The following TEX15 variants were observed in gnomAD, a reference collection of about 807,000 sequenced individuals.
TEX15 encodes testis expressed 15, meiosis and synapsis associated, also known as testis-expressed protein 15.
Under a neutral mutation model 237.3 loss-of-function variants are expected in TEX15, and 171 were observed. The observed-to-expected ratio is 0.72, with a 90% CI of 0.64 to 0.82. The LOEUF (loss-of-function observed/expected upper bound fraction) is 0.82. Ranked by LOEUF, TEX15 falls within the 40% of genes least tolerant of loss-of-function variation. TEX15 has a pLI of 0.00. For missense variants in TEX15, 3,750 were observed against 3,646.5 expected, an observed-to-expected ratio of 1.03 and a Z score of -0.73; for synonymous variants, 1,338 against 1,269.8, an observed-to-expected ratio of 1.05 and a Z score of -1.14.
intron 7 of TEX15, among the ~76,000 whole-genome samples, chr8:30,852,144 G>C (rs183315371): frequency 9.2e-6 from 1 of 108,388 alleles, no homozygotes; most frequent in African/African-American, 3.9e-5. Context: ...AGTCTCTGTC[G>C]CCCAGGCTGG....
At position 30,842,034 on chromosome 8, in the gene TEX15, A is replaced by C. The variant is rs749039655; in HGVS notation, c.8133T>G (p.Asp2711Glu). Residue 2711 changes from aspartate (D) to glutamate (E), a missense_variant, in exon 8 of 11, where the codon GAT (aspartate) becomes GAG (glutamate). Coordinates refer to ENST00000643185, the MANE Select transcript of TEX15 (RefSeq NM_001350162.2). ...KCEDSQEQQQ[D>E]TTVSSCKKLK... ...GCTTTTTACAACTGGAAACAGTAGT[A>C]TCTTGCTGTTGTTCCTGAGAGTCTT... 25 of 1,604,600 alleles carry C rather than the reference A, an allele frequency of 1.6e-5. No individual in the cohort carries two copies. Among genetic ancestry groups the C allele is most frequent in the Non-Finnish European group, 2.1e-5 (25 of 1,177,654 alleles).
intron 7 of TEX15, 31 bp downstream of exon 7, chr8:30,858,637 T>TTAA (rs1245236539): frequency 9.4e-6 from 14 of 1,492,004 alleles, no homozygotes; most frequent in Admixed American, 6.4e-5. Context: ...AGCACAAATA[T>TTAA]TAATCAAGTA....
At chr8:30,886,124 C>A (rs1238460624) in intron 3 of TEX15, among the ~76,000 whole-genome samples, 1 of 152,028 alleles carries the variant, frequency 6.6e-6, no homozygotes, top group South Asian at 2.1e-4. Flanking sequence ...TTAAGATGAG[C>A]GATTTTTACT....
chr8:30,846,402 A>G lies in TEX15; in HGVS notation c.3765T>C (p.Asn1255=). The stretch of plus-strand genomic sequence containing the variant: ...CAGTAAACAAAGATTCACTGTTCTG[A>G]TTTTCAGACGTATGATTCACATCTG... ...RNTDVNHTSE[N]QNSESLFTEP... is the part of the protein sequence containing the mutation. The change falls in exon 8 of 11, where the codon AAT becomes AAC. Residue 1255 remains asparagine (N), a synonymous_variant. Coordinates refer to ENST00000643185, the MANE Select transcript of TEX15 (RefSeq NM_001350162.2). 1 of 1,613,390 alleles carries G rather than the reference A, an allele frequency of 6.2e-7. No individual in the cohort carries two copies. The highest frequency in any genetic ancestry group is 8.5e-7 in the Non-Finnish European group (1 of 1,179,694).
Position 30,845,835 on chromosome 8 carries a change from C to G in TEX15, c.4332G>C (p.Lys1444Asn). ...CATATTTTCTTTTTGACGAAAAATG[C>G]TTAGTAGAATAATATTTTCTTTGAG... Reference protein sequence around the residue: ...SVSQRKYYSTKHFSSKRKYDK... With the variant: ...SVSQRKYYSTNHFSSKRKYDK... Residue 1444 changes from lysine to asparagine, a missense_variant, in exon 8 of 11, where the codon AAG (lysine) becomes AAC (asparagine). By Grantham distance (94) the Lys-to-Asn change is moderately conservative. Transcript: ENST00000643185. The G allele has an allele frequency of 6.2e-7, 1 of 1,609,320 alleles. No individual in the cohort carries two copies. The highest frequency in any genetic ancestry group is 8.5e-7 in the Non-Finnish European group (1 of 1,178,774).
intron 7 of TEX15, among the ~76,000 whole-genome samples, chr8:30,849,955 C>T (rs1357817706): frequency 6.6e-6 from 1 of 151,948 alleles, no homozygotes; most frequent in African/African-American, 2.4e-5. Flanking sequence ...AAAACATTTT[C>T]CCAATAGATA....
At chr8:30,890,358 T>C (rs1176853520) in intron 2 of TEX15, among the ~76,000 whole-genome samples, 2 of 152,148 alleles carry the variant, frequency 1.3e-5, no homozygotes, top group African/African-American at 2.4e-5. Flanking sequence ...TGAATAATCC[T>C]GTTATTATTA....
In TEX15 at chr8:30,843,510, G is replaced by C. The variant is rs1328961074; in HGVS notation, c.6657C>G (p.Ile2219Met). 6.2e-7 allele frequency: 1 copy of C among 1,612,922 alleles called. No homozygotes were observed. Among genetic ancestry groups the C allele is most frequent in the Non-Finnish European group, 8.5e-7 (1 of 1,179,620 alleles). ...CTTTAGGAGAGTCCCCACATACATT[G>C]ATCAACTTTAAAGTACTTTTTCTTA... is the stretch of plus-strand genomic sequence containing the variant. ...EILRKSTLKL[I>M]NVCGDSPKVH... is the part of the protein sequence containing the mutation. The change falls in exon 8 of 11, where the codon ATC (isoleucine) becomes ATG (methionine). Residue 2219 changes from isoleucine (I) to methionine (M), a missense_variant. Physicochemically the swap from Ile to Met is conservative, Grantham distance 10. Coordinates refer to ENST00000643185, the MANE Select transcript of TEX15 (RefSeq NM_001350162.2).
chr8:30,860,415 AT>A (rs34445651), intron 5 of TEX15, among the ~76,000 whole-genome samples: 18 of 147,838 alleles, frequency 1.2e-4, no homozygotes, highest in South Asian at 2.2e-4. Flanking sequence ...CCAGGCCCTG[AT>A]TTTTTTTTTT....
At chr8:30,903,893 G>A (rs1201441038) in intron 1 of TEX15, among the ~76,000 whole-genome samples, 1 of 152,162 alleles carries the variant, frequency 6.6e-6, no homozygotes, top group East Asian at 1.9e-4. Flanking sequence ...TGTGCTAATA[G>A]GTTGTGAAAG....
At chr8:30,861,681 A>G (rs565186966) in intron 5 of TEX15, among the ~76,000 whole-genome samples, 3 of 152,270 alleles carry the variant, frequency 2.0e-5, no homozygotes, top group African/African-American at 7.2e-5. Flanking sequence ...AGCTCTCTTT[A>G]TTATCTTTGT....
rs191785075 is a variant in TEX15 at position 30,878,577 on chromosome 8, C to T, written c.137-3475G>A. Among the ~76,000 whole-genome samples, 114 of 152,034 alleles carry T rather than the reference C, an allele frequency of 7.5e-4. 1 individual carries two copies. The highest frequency in any genetic ancestry group is 3.4e-3 in the Middle Eastern group (1 of 294). On this transcript the variant is annotated intron_variant, in intron 3 of 10. Transcript: ENST00000643185. ...TTTTCTATTTTTTTTAGTCAAGATG[C>T]GGTTTCTCCATGTTGGTCAGGCTGG...
intron 7 of TEX15, among the ~76,000 whole-genome samples, chr8:30,849,960 T>C (rs148484929): frequency 1.3e-5 from 2 of 152,172 alleles, no homozygotes; most frequent in East Asian, 3.9e-4. Context: ...ATTTTCCCAA[T>C]AGATAACAGC....
chr8:30,898,523 T>G (rs188970826), intron 2 of TEX15, among the ~76,000 whole-genome samples: 49 of 152,324 alleles, frequency 3.2e-4, no homozygotes, highest in African/African-American at 1.2e-3. Context: ...CAGTTTATAT[T>G]ATGTTGTAGT....
In TEX15 at chr8:30,858,848, G is replaced by A. The variant is rs1485868350; in HGVS notation, c.688-18C>T. The A allele has an allele frequency of 1.3e-6, 2 of 1,486,816 alleles. No homozygotes were observed. Among genetic ancestry groups the A allele is most frequent in the Non-Finnish European group, 8.9e-7 (1 of 1,127,388 alleles). 92.1% of individuals were successfully genotyped at this position (1,486,816 alleles called of 1,614,324 possible). A position where few individuals can be genotyped will look rare whatever the true frequency, so the allele number is the denominator to read the frequency against. On this transcript the variant is annotated intron_variant, in intron 6 of 10. Coordinates refer to ENST00000643185, the MANE Select transcript of TEX15 (RefSeq NM_001350162.2). ...AAGTACACCTGAAAGATGAAAACAG[G>A]TTCATGCTGATTAATTTTGGCAATC...
intron 2 of TEX15, among the ~76,000 whole-genome samples, chr8:30,895,869 C>T (rs998148977): frequency 5.9e-5 from 9 of 151,658 alleles, no homozygotes; most frequent in East Asian, 5.8e-4. Context: ...TTAGTAGAGA[C>T]GGGGTTTCAC....
intron 2 of TEX15, among the ~76,000 whole-genome samples, chr8:30,894,065 A>C (rs555072821): frequency 6.6e-6 from 1 of 152,334 alleles, no homozygotes; most frequent in South Asian, 2.1e-4. Context: ...CATTGAGTTA[A>C]CTATAATTAT....
chr8:30,843,402 G>A lies in TEX15; in HGVS notation c.6765C>T (p.Asn2255=), dbSNP rs781119808. Residue 2255 remains asparagine (N), a synonymous_variant, in exon 8 of 11, where the codon AAC becomes AAT. Coordinates refer to ENST00000643185, the MANE Select transcript of TEX15 (RefSeq NM_001350162.2). The part of the protein sequence containing the change: ...ISSKVNFIKN[N]EAVRVKISLY... Reference sequence around the variant, plus strand: ...GAGATATTTTAACACGTACTGCCTCGTTGTTCTTAATAAAATTAACCTTTG... The same window carrying A: ...GAGATATTTTAACACGTACTGCCTCATTGTTCTTAATAAAATTAACCTTTG... 101 of 1,612,794 alleles carry A rather than the reference G, an allele frequency of 6.3e-5. No individual in the cohort carries two copies. The highest frequency in any genetic ancestry group is 7.4e-5 in the Non-Finnish European group (87 of 1,179,642).
chr8:30,876,742 T>C (rs1380323921), intron 3 of TEX15, among the ~76,000 whole-genome samples: 1 of 152,146 alleles, frequency 6.6e-6, no homozygotes, highest in African/African-American at 2.4e-5. Flanking sequence ...CCATTTAAAG[T>C]AGTGAAATCA....
Sources: gnomAD v4.1 joint callset for allele counts (sites outside exome capture counted in the v4.1 genomes callset) on GRCh38, gnomAD v4.1.1 for gene constraint, MANE v1.5 for transcripts, NCBI Gene and HGNC (gene_info 2026-07-23, HGNC 2026-07-21) for gene names.